NCAM2: variants seen among roughly 807,000 people sequenced by gnomAD.
NCAM2 encodes neural cell adhesion molecule 2.
A neutral mutation model predicts 98.1 loss-of-function variants in NCAM2; 30 were observed. The ratio of observed to expected loss-of-function variants is 0.31; its 90% CI spans 0.23 to 0.41. The LOEUF (loss-of-function observed/expected upper bound fraction) is 0.41, where lower values mean the gene tolerates loss of function less well. NCAM2 is among the 10% of genes least tolerant of loss of function. NCAM2 has a pLI of 1.00. For synonymous variants in NCAM2, 368 were observed against 342.4 expected (o/e 1.07, Z -0.83); for missense variants, 867 against 1,005.8 (o/e 0.86, Z 1.87).
intron 9 of NCAM2, among the ~76,000 whole-genome samples, chr21:21,384,407 T>G (rs1271420892): frequency 6.6e-6 from 1 of 151,918 alleles, no homozygotes; most frequent in Non-Finnish European, 1.5e-5. Flanking sequence ...TCTCTAGCAG[T>G]CTAGTTTCCT....
At chr21:21,531,412 G>C (rs1482724268) in intron 16 of NCAM2, among the ~76,000 whole-genome samples, 1 of 152,154 alleles carries the variant, frequency 6.6e-6, no homozygotes, top group Admixed American at 6.5e-5. Flanking sequence ...ACATGCATCA[G>C]CTATTACAAG....
At chr21:21,455,787 C>G (rs2146164212) in intron 12 of NCAM2, among the ~76,000 whole-genome samples, 2 of 151,778 alleles carry the variant, frequency 1.3e-5, no homozygotes, top group South Asian at 2.1e-4. Flanking sequence ...CAACAAAGGA[C>G]AGAAAGAAAC....
chr21:21,487,498 T>C (rs1986489569), intron 15 of NCAM2, among the ~76,000 whole-genome samples: 1 of 152,130 alleles, frequency 6.6e-6, no homozygotes, highest in African/African-American at 2.4e-5. Flanking sequence ...TAATCAGAAA[T>C]ATATGTCTAT....
intron 1 of NCAM2, among the ~76,000 whole-genome samples, chr21:21,113,279 G>A (rs2066489926): frequency 6.6e-6 from 1 of 152,116 alleles, no homozygotes; most frequent in African/African-American, 2.4e-5. Flanking sequence ...GAATCACGGT[G>A]GCACAAAATT....
At chr21:21,425,022 GCGGGA>G (rs1200587972) in intron 11 of NCAM2, among the ~76,000 whole-genome samples, 1 of 122,216 alleles carries the variant, frequency 8.2e-6, no homozygotes, top group Non-Finnish European at 1.6e-5. Flanking sequence ...GGCGACAAAA[GCGGGA>G]CTCTTCCTCC....
intron 1 of NCAM2, among the ~76,000 whole-genome samples, chr21:21,260,426 G>GA (rs879481538): frequency 1.7e-4 from 25 of 150,338 alleles, no homozygotes; most frequent in African/African-American, 3.7e-4. Flanking sequence ...CAACACAAAA[G>GA]AAAAAAAAAT....
chr21:21,150,928 T>C (rs1387843019), intron 1 of NCAM2, among the ~76,000 whole-genome samples: 1 of 151,786 alleles, frequency 6.6e-6, no homozygotes, highest in Non-Finnish European at 1.5e-5. Flanking sequence ...TGACAAAATT[T>C]ATGGGCTATG....
chr21:21,526,399 A>G (rs1293388072), intron 16 of NCAM2, among the ~76,000 whole-genome samples: 1 of 152,114 alleles, frequency 6.6e-6, no homozygotes, highest in East Asian at 1.9e-4. Flanking sequence ...GCAAAATTAA[A>G]TACTCAGCCG....
At chr21:21,073,785 T>G (rs2065622521) in intron 1 of NCAM2, among the ~76,000 whole-genome samples, 1 of 152,192 alleles carries the variant, frequency 6.6e-6, no homozygotes, top group African/African-American at 2.4e-5. Context: ...GCCTGTCAAG[T>G]GCAGGCATTT....
chr21:21,083,204 G>C (rs2065844057), intron 1 of NCAM2, among the ~76,000 whole-genome samples: 1 of 152,122 alleles, frequency 6.6e-6, no homozygotes, highest in African/African-American at 2.4e-5. Context: ...ATGGAACCTG[G>C]TCTGTGCCTG....
At chr21:21,020,226 G>C (rs1365517638) in intron 1 of NCAM2, among the ~76,000 whole-genome samples, 1 of 151,996 alleles carries the variant, frequency 6.6e-6, no homozygotes, top group African/African-American at 2.4e-5. Context: ...AGAAGAGATG[G>C]GGTTTCACCG....
intron 8 of NCAM2, among the ~76,000 whole-genome samples, chr21:21,368,908 T>G (rs1053370576): frequency 6.6e-6 from 1 of 151,906 alleles, no homozygotes; most frequent in African/African-American, 2.4e-5. Flanking sequence ...ATCCTGTCCA[T>G]TTCCAATTGT....
chr21:21,115,416 T>A (rs2066534737), intron 1 of NCAM2, among the ~76,000 whole-genome samples: 2 of 152,108 alleles, frequency 1.3e-5, no homozygotes, highest in Admixed American at 6.5e-5. Flanking sequence ...AATAAAACAT[T>A]AAAATCTACC....
intron 12 of NCAM2, among the ~76,000 whole-genome samples, chr21:21,444,756 C>G (rs1402219307): frequency 2.6e-5 from 4 of 151,992 alleles, no homozygotes; most frequent in Admixed American, 2.6e-4. Flanking sequence ...AGTGGTCTAT[C>G]TATTTTGTTA....
intron 8 of NCAM2, among the ~76,000 whole-genome samples, chr21:21,355,685 G>A (rs12053741): frequency 0.68 from 102,672 of 151,102 alleles, 35,181 homozygotes; most frequent in Middle Eastern, 0.79. Flanking sequence ...GCACGACCTC[G>A]GCTCACTGCA....
chr21:21,349,299 C>G (rs893077748), intron 8 of NCAM2, among the ~76,000 whole-genome samples: 3 of 151,964 alleles, frequency 2.0e-5, no homozygotes, highest in African/African-American at 4.8e-5. Flanking sequence ...AAAGAAGATA[C>G]ACAAATGGCA....
At chr21:21,378,238 C>T (rs2076075718) in intron 9 of NCAM2, among the ~76,000 whole-genome samples, 1 of 151,540 alleles carries the variant, frequency 6.6e-6, no homozygotes, top group Admixed American at 6.6e-5. Context: ...AGGTGGCTCT[C>T]ATTTTCTTTT....
intron 8 of NCAM2, among the ~76,000 whole-genome samples, chr21:21,368,649 C>G (rs2075842450): frequency 6.6e-6 from 1 of 151,808 alleles, no homozygotes; most frequent in African/African-American, 2.4e-5. Flanking sequence ...GACTAGCTAG[C>G]TTTCTGTGGG....
At chr21:21,369,657 A>G (rs1352197142) in intron 8 of NCAM2, among the ~76,000 whole-genome samples, 2 of 151,820 alleles carry the variant, frequency 1.3e-5, no homozygotes, top group Admixed American at 1.3e-4. Context: ...AATGAATGCT[A>G]AGTGGTATCA....
Sources: allele counts gnomAD v4.1 joint callset (sites outside exome capture counted in the v4.1 genomes callset), GRCh38; gene constraint gnomAD v4.1.1; transcripts MANE v1.5; gene names NCBI Gene and HGNC (gene_info 2026-07-23, HGNC 2026-07-21).